The following HYDIN variants were observed in gnomAD, a reference collection of about 807,000 sequenced individuals.
The protein encoded by HYDIN is axonemal central pair apparatus protein HYDIN.
A neutral mutation model predicts 403.9 loss-of-function variants in HYDIN; 132 were observed. The ratio of observed to expected loss-of-function variants is 0.33; its 90% CI spans 0.28 to 0.38. The LOEUF (loss-of-function observed/expected upper bound fraction) is 0.38, where lower values mean the gene tolerates loss of function less well. HYDIN is among the 10% of genes least tolerant of loss of function. The probability of loss-of-function intolerance (pLI) is 1.00; values close to 1 mark genes in which losing one functional copy is unlikely to be tolerated. For synonymous variants in HYDIN, 1,202 were observed against 1,891.7 expected (o/e 0.64, Z 9.46); for missense variants, 2,827 against 5,009.5 (o/e 0.56, Z 13.15).
intron 42 of HYDIN, 47 bp downstream of exon 42, chr16:70,943,765 G>A: frequency 1.3e-6 from 2 of 1,592,966 alleles, no homozygotes; most frequent in Non-Finnish European, 8.5e-7. Context: ...TGGGGATGGT[G>A]CGTGAATGCC....
chr16:70,928,564 T>C (rs1327627611), intron 45 of HYDIN, among the ~76,000 whole-genome samples: 1 of 148,478 alleles, frequency 6.7e-6, no homozygotes, highest in Non-Finnish European at 1.5e-5. Flanking sequence ...TTGAAGGTGA[T>C]GGCTGAGGAA....
chr16:71,049,865 G>A (rs1328967297), intron 18 of HYDIN, among the ~76,000 whole-genome samples: 1 of 143,198 alleles, frequency 7.0e-6, no homozygotes, highest in Middle Eastern at 3.5e-3. Context: ...CTTTAGACTT[G>A]CCAAAATCAG....
intron 7 of HYDIN, among the ~76,000 whole-genome samples, chr16:71,151,331 T>C (rs188159018): frequency 4.6e-5 from 7 of 152,018 alleles, no homozygotes; most frequent in East Asian, 3.9e-4. Context: ...CACTTAACCA[T>C]GGGACCTAAG....
intron 5 of HYDIN, among the ~76,000 whole-genome samples, chr16:71,167,072 T>A (rs2086261267): frequency 1.4e-5 from 2 of 146,318 alleles, no homozygotes; most frequent in Admixed American, 6.9e-5. Context: ...CTCAAAAAAA[T>A]TAATAAATAA....
chr16:71,052,398 A>C (rs1402784661), intron 18 of HYDIN, among the ~76,000 whole-genome samples: 2 of 152,156 alleles, frequency 1.3e-5, no homozygotes, highest in Non-Finnish European at 2.9e-5. Flanking sequence ...AAAAGGAAAG[A>C]GTATGCAAGA....
At chr16:70,977,118 G>A (rs1171266671) in intron 30 of HYDIN, among the ~76,000 whole-genome samples, 2 of 151,644 alleles carry the variant, frequency 1.3e-5, no homozygotes, top group African/African-American at 4.8e-5. Flanking sequence ...GCTTTGATAA[G>A]GTGCAGCCTG....
intron 58 of HYDIN, among the ~76,000 whole-genome samples, chr16:70,888,721 G>A (rs1204460770): frequency 1.3e-5 from 2 of 152,120 alleles, no homozygotes; most frequent in Non-Finnish European, 2.9e-5. Context: ...CTTGGTATTC[G>A]ACCTTCTCCG....
chr16:71,177,201 C>G (rs959447522), intron 4 of HYDIN, among the ~76,000 whole-genome samples: 6 of 152,156 alleles, frequency 3.9e-5, no homozygotes, highest in African/African-American at 1.4e-4. Context: ...CCCTTTACCC[C>G]GACTTGCTAT....
At chr16:71,057,561 T>C (rs1001165864) in intron 18 of HYDIN, among the ~76,000 whole-genome samples, 45 of 152,272 alleles carry the variant, frequency 3.0e-4, no homozygotes, top group African/African-American at 7.5e-4. Flanking sequence ...ATGCAATAAT[T>C]TGACGGTAGG....
rs775560595 is a variant in HYDIN at position 70,872,121 on chromosome 16, C to T, written c.11007G>A (p.Ala3669=). 33 of 1,568,556 alleles carry T rather than the reference C, an allele frequency of 2.1e-5. No individual in the cohort carries two copies. Among genetic ancestry groups the T allele is most frequent in the Admixed American group, 3.5e-5 (2 of 57,394 alleles). Residue 3669 remains alanine (A), a synonymous_variant, in exon 65 of 86, where the codon GCG becomes GCA. Coordinates refer to ENST00000393567, the MANE Select transcript of HYDIN (RefSeq NM_001270974.2). ...GGCTGTGATTTGTGACTGTGAAGCTCGCATTATAGCTGTGTCCAATGTGGC... is the reference window on the plus strand; with the variant it reads ...GGCTGTGATTTGTGACTGTGAAGCTTGCATTATAGCTGTGTCCAATGTGGC... The part of the protein sequence containing the change: ...GDCHIGHSYN[A]SFTVTNHSQV...
At chr16:70,889,754 C>T (rs1274792897) in intron 57 of HYDIN, 50 bp from the exon 58 acceptor site, 2 of 642,894 alleles carry the variant, frequency 3.1e-6, no homozygotes, top group East Asian at 5.7e-5. Flanking sequence ...TCGGGGGTAA[C>T]ATTAGACACC....
At chr16:70,871,900 G>A (rs1165833954) in intron 65 of HYDIN, 137 bp downstream of exon 65, 1 of 525,342 alleles carries the variant, frequency 1.9e-6, no homozygotes, top group Middle Eastern at 3.2e-4. Context: ...GTATGAGTGA[G>A]GGATGATTCC....
At chr16:71,088,117 TATA>T (rs1240450153) in intron 12 of HYDIN, among the ~76,000 whole-genome samples, 181 bp downstream of exon 12, 13 of 128,102 alleles carry the variant, frequency 1.0e-4, no homozygotes, top group Admixed American at 9.2e-4. Context: ...CATCTGTATC[TATA>T]ATAACTTATA....
At chr16:70,902,084 C>T (rs2076396698) in intron 52 of HYDIN, among the ~76,000 whole-genome samples, 1 of 150,614 alleles carries the variant, frequency 6.6e-6, no homozygotes. Flanking sequence ...TCCTTTAGCA[C>T]ATTAAAAATG....
In HYDIN at chr16:70,807,397, T is replaced by C. The variant is rs937897836; in HGVS notation, c.*183A>G. On this transcript the variant is annotated 3_prime_UTR_variant, in exon 86 of 86. Coordinates refer to ENST00000393567, the MANE Select transcript of HYDIN (RefSeq NM_001270974.2). ...ATAGAGCTGTTGTGTGTAGTTATAA[T>C]GTTTAATATGGAATAGATATTTCAT... 3.2e-6 allele frequency: 2 copies of C among 631,616 alleles called. No homozygotes were observed. Among genetic ancestry groups the C allele is most frequent in the Admixed American group, 3.3e-5 (1 of 29,912 alleles). The allele number at this position is 631,616 out of a possible 1,614,324, so 39.1% of individuals were successfully genotyped here. A position where few individuals can be genotyped will look rare whatever the true frequency, so the allele number is the denominator to read the frequency against.
chr16:71,059,368 T>A (rs1443832743), intron 18 of HYDIN, among the ~76,000 whole-genome samples: 1 of 152,142 alleles, frequency 6.6e-6, no homozygotes, highest in African/African-American at 2.4e-5. Flanking sequence ...GACTAGCCAG[T>A]TATGCAAATG....
At chr16:71,127,830 C>A (rs1016394933) in intron 9 of HYDIN, among the ~76,000 whole-genome samples, 1 of 152,138 alleles carries the variant, frequency 6.6e-6, no homozygotes, top group East Asian at 1.9e-4. Context: ...ATCAATAATC[C>A]CTTCTTGACC....
intron 23 of HYDIN, among the ~76,000 whole-genome samples, chr16:71,010,909 T>C (rs1354774472): frequency 7.9e-5 from 12 of 152,348 alleles, no homozygotes; most frequent in Non-Finnish European, 1.6e-4. Flanking sequence ...AGGGGAGGCC[T>C]GCCTGGCCCT....
intron 18 of HYDIN, among the ~76,000 whole-genome samples, chr16:71,034,892 A>AG (rs1372329672): frequency 6.6e-6 from 1 of 150,658 alleles, no homozygotes; most frequent in South Asian, 2.1e-4. Flanking sequence ...ACATAGAAAT[A>AG]GAAAAAAAAA....
Sources: gnomAD v4.1 joint callset for allele counts (sites outside exome capture counted in the v4.1 genomes callset) on GRCh38, gnomAD v4.1.1 for gene constraint, MANE v1.5 for transcripts, NCBI Gene and HGNC (gene_info 2026-07-23, HGNC 2026-07-21) for gene names.